The following TMC1 variants were observed in gnomAD, a reference collection of about 807,000 sequenced individuals.
The protein encoded by TMC1 is transmembrane channel-like protein 1.
A neutral mutation model predicts 105.8 loss-of-function variants in TMC1; 84 were observed. That is an observed-to-expected ratio of 0.79 (90% CI 0.67 to 0.95). The LOEUF is 0.95. Ranked by LOEUF, TMC1 falls within the 40% of genes least tolerant of loss-of-function variation. The probability of loss-of-function intolerance (pLI) is 0.00; values close to 1 mark genes in which losing one functional copy is unlikely to be tolerated. For synonymous variants in TMC1, 315 were observed against 311.5 expected, an observed-to-expected ratio of 1.01 and a Z score of -0.12; for missense variants, 817 against 914.1, an observed-to-expected ratio of 0.89 and a Z score of 1.37.
At chr9:72,545,707 C>T (rs1211926995) in intron 1 of TMC1, among the ~76,000 whole-genome samples, 5 of 151,978 alleles carry the variant, frequency 3.3e-5, no homozygotes, top group Non-Finnish European at 5.9e-5. Context: ...AGGCTGGTCT[C>T]GAATGCCTGA....
At chr9:72,698,053 A>C (rs1305905696) in intron 7 of TMC1, among the ~76,000 whole-genome samples, 4 of 152,114 alleles carry the variant, frequency 2.6e-5, no homozygotes, top group Non-Finnish European at 5.9e-5. Flanking sequence ...TAAAAAAAAA[A>C]ATTGTGGATA....
intron 12 of TMC1, among the ~76,000 whole-genome samples, chr9:72,770,475 A>G (rs1181926845): frequency 2.8e-5 from 4 of 144,600 alleles, no homozygotes; most frequent in South Asian, 2.2e-4. Flanking sequence ...CTGCAGTGCA[A>G]TGGTGTGATC....
chr9:72,816,292 AGAG>A, intron 19 of TMC1, 82 bp downstream of exon 19: 1 of 1,335,922 alleles, frequency 7.5e-7, no homozygotes, highest in Non-Finnish European at 1.1e-6. Context: ...TCCTGGTGTT[AGAG>A]GAGAATACAA....
At chr9:72,706,027 A>G (rs113189010) in intron 8 of TMC1, among the ~76,000 whole-genome samples, 4 of 152,156 alleles carry the variant, frequency 2.6e-5, no homozygotes, top group Middle Eastern at 3.4e-3. Flanking sequence ...TCCTTACTCA[A>G]TCTCCCTTGA....
intron 17 of TMC1, among the ~76,000 whole-genome samples, chr9:72,797,716 C>T (rs1828395653): frequency 6.6e-6 from 1 of 152,074 alleles, no homozygotes; most frequent in Non-Finnish European, 1.5e-5. Context: ...TAAAAATTAA[C>T]TCAAGATGGA....
At chr9:72,719,521 T>C (rs1052821312) in intron 8 of TMC1, among the ~76,000 whole-genome samples, 14 of 152,220 alleles carry the variant, frequency 9.2e-5, no homozygotes, top group African/African-American at 3.1e-4. Context: ...CTTTTGCAGT[T>C]TGGGCACTCA....
At chr9:72,571,128 G>A (rs936977626) in intron 1 of TMC1, among the ~76,000 whole-genome samples, 15 of 149,666 alleles carry the variant, frequency 1.0e-4, no homozygotes, top group Admixed American at 2.0e-4. Context: ...TTCGAGACCA[G>A]CCTGGCCAAC....
At chr9:72,822,514 TTGTGTGTGTGTGTGTGTGTGTGTGTGTG>T in intron 20 of TMC1, among the ~76,000 whole-genome samples, 1 of 135,864 alleles carries the variant, frequency 7.4e-6, no homozygotes, top group Non-Finnish European at 1.6e-5. Context: ...GTTAATTCCG[TTGTGTGTGTGTGTGTGTGTGTGTGTGTG>T]TGTGTGTGTG....
chr9:72,817,455 C>T (rs1828805317), intron 19 of TMC1, among the ~76,000 whole-genome samples: 1 of 152,202 alleles, frequency 6.6e-6, no homozygotes, highest in African/African-American at 2.4e-5. Flanking sequence ...AAGGGAGCAG[C>T]TTCTGTGGGT....
In TMC1 at chr9:72,835,189, G is replaced by C. The variant is rs76814417; in HGVS notation, c.2261-762G>C. On this transcript the variant is annotated intron_variant, in intron 23 of 23. Transcript: ENST00000297784. ...TTCTTGACTGTCATGTTTGTGAAAG[G>C]GTGAAAGTTCAATTCAATGTATTTA... 3.2e-3 allele frequency among the ~76,000 whole-genome samples: 483 copies of C among 152,140 alleles called. 9 individuals are homozygous for C. The East Asian group carries it at 0.04, about 13-fold the overall frequency.
intron 20 of TMC1, among the ~76,000 whole-genome samples, chr9:72,826,270 T>C (rs1015756494): frequency 3.3e-5 from 5 of 152,194 alleles, no homozygotes; most frequent in African/African-American, 1.2e-4. Context: ...CTTGCCTTCA[T>C]GGAGCTTAGC....
chr9:72,670,435 A>T (rs1172543258), intron 5 of TMC1, among the ~76,000 whole-genome samples: 1 of 152,198 alleles, frequency 6.6e-6, no homozygotes, highest in East Asian at 1.9e-4. Flanking sequence ...ATATACCAGA[A>T]CAAAGCCGAA....
At chr9:72,670,218 A>C (rs2132168057) in intron 5 of TMC1, among the ~76,000 whole-genome samples, 1 of 152,302 alleles carries the variant, frequency 6.6e-6, no homozygotes, top group East Asian at 1.9e-4. Context: ...ACAAATCCTT[A>C]GAATCACATA....
At chr9:72,631,727 A>G (rs1825454663) in intron 4 of TMC1, among the ~76,000 whole-genome samples, 1 of 152,206 alleles carries the variant, frequency 6.6e-6, no homozygotes, top group African/African-American at 2.4e-5. Context: ...TCAGCCATCC[A>G]CACTCTGCCT....
chr9:72,701,263 G>A (rs1293011392), intron 8 of TMC1, among the ~76,000 whole-genome samples: 1 of 152,192 alleles, frequency 6.6e-6, no homozygotes, highest in African/African-American at 2.4e-5. Flanking sequence ...GAACATGTCA[G>A]TGACCCAATT....
At chr9:72,719,309 G>A (rs537085822) in intron 8 of TMC1, among the ~76,000 whole-genome samples, 1 of 152,148 alleles carries the variant, frequency 6.6e-6, no homozygotes, top group Non-Finnish European at 1.5e-5. Context: ...AAGGACTCCT[G>A]TGAGACAAGT....
Position 72,689,126 on chromosome 9 carries a change from G to A in TMC1, c.64+370G>A, listed in dbSNP as rs116863523. 8.2e-3 allele frequency among the ~76,000 whole-genome samples: 1,254 copies of A among 152,240 alleles called. 7 individuals carry two copies. Among genetic ancestry groups the A allele is most frequent in the Non-Finnish European group, 0.014 (935 of 67,996 alleles). Reference sequence around the variant, plus strand: ...GCTTAGGTTCAACAAAGTGTGGATAGCAGTGTAGAAATATGATTGGACGAA... The same window carrying A: ...GCTTAGGTTCAACAAAGTGTGGATAACAGTGTAGAAATATGATTGGACGAA... On this transcript the variant is annotated intron_variant, in intron 6 of 23. Transcript: ENST00000297784.
intron 1 of TMC1, among the ~76,000 whole-genome samples, chr9:72,523,756 A>C (rs893890143): frequency 6.6e-6 from 1 of 152,098 alleles, no homozygotes; most frequent in African/African-American, 2.4e-5. Context: ...AGAAATCTTC[A>C]TATGAGTGGA....
At chr9:72,611,798 G>A (rs1204014618) in intron 2 of TMC1, among the ~76,000 whole-genome samples, 1 of 152,158 alleles carries the variant, frequency 6.6e-6, no homozygotes, top group Admixed American at 6.5e-5. Flanking sequence ...GTCTTGAATC[G>A]TGGATTAGAG....
Sources: allele counts gnomAD v4.1 joint callset (sites outside exome capture counted in the v4.1 genomes callset), GRCh38; gene constraint gnomAD v4.1.1; transcripts MANE v1.5; gene names NCBI Gene and HGNC (gene_info 2026-07-23, HGNC 2026-07-21).